GALNT16: variants seen among roughly 807,000 people sequenced by gnomAD.
GALNT16 encodes polypeptide N-acetylgalactosaminyltransferase 16, also known as UDP-GalNAc:polypeptide N-acetylgalactosaminyltransferase-like protein 1.
A neutral mutation model predicts 76.1 loss-of-function variants in GALNT16; 40 were observed. The observed-to-expected ratio is 0.53, with a 90% CI of 0.41 to 0.68. The LOEUF is 0.68. GALNT16 is among the 30% of genes least tolerant of loss of function. The pLI is 0.00. For synonymous variants in GALNT16, 276 were observed against 285.2 expected, an observed-to-expected ratio of 0.97 and a Z score of 0.32; for missense variants, 621 against 731.9, an observed-to-expected ratio of 0.85 and a Z score of 1.75.
rs2045659214 is a variant in GALNT16, at chr14:69,353,117, A to C, written c.*949A>C. On this transcript the variant is annotated 3_prime_UTR_variant, in exon 15 of 15. Coordinates refer to ENST00000448469, the MANE Select transcript of GALNT16 (RefSeq NM_001168368.2). ...GCCACACACATCCCTGAGTAGTCCC[A>C]GCCTCATTTGTCATTTTTGACTCCT... 6.6e-6 allele frequency among the ~76,000 whole-genome samples: 1 copy of C among 152,164 alleles called. No homozygotes were observed. The highest frequency in any genetic ancestry group is 2.4e-5 in the African/African-American group (1 of 41,444).
chr14:69,368,884 C>T, the GALNT16 span, among the ~76,000 whole-genome samples: 1 of 152,182 alleles, frequency 6.6e-6, no homozygotes, highest in Non-Finnish European at 1.5e-5. Context: ...ATGGGAATGA[C>T]ACTAACACTT....
At chr14:69,381,347 C>T in the GALNT16 span, among the ~76,000 whole-genome samples, 1 of 152,302 alleles carries the variant, frequency 6.6e-6, no homozygotes, top group African/African-American at 2.4e-5. Flanking sequence ...CTTTAAAAAA[C>T]ATGTACTGGC....
chr14:69,344,619 A>G (rs1213137057), intron 12 of GALNT16, among the ~76,000 whole-genome samples: 2 of 152,150 alleles, frequency 1.3e-5, no homozygotes, highest in Admixed American at 6.5e-5. Context: ...ACAGCTTAGG[A>G]GCTGCATCTG....
intron 1 of GALNT16, among the ~76,000 whole-genome samples, chr14:69,315,171 A>C (rs2045082821): frequency 6.6e-6 from 1 of 152,230 alleles, no homozygotes; most frequent in Non-Finnish European, 1.5e-5. Context: ...GGAAAAAAAA[A>C]CTGAAGCAAG....
chr14:69,285,427 TC>T (rs1286163715), intron 1 of GALNT16, among the ~76,000 whole-genome samples: 2 of 124,496 alleles, frequency 1.6e-5, no homozygotes, highest in African/African-American at 6.6e-5. Flanking sequence ...AGATTACACC[TC>T]TAAAATGTGT....
At position 69,325,374 on chromosome 14, in the gene GALNT16, A is replaced by G. The variant is rs2045267059; in HGVS notation, c.472A>G (p.Ile158Val). ...AACTCCTGCCAACTTGATCCAGGAG[A>G]TCATTTTAGTGGATGACTTCAGCTC... Reference protein sequence around the residue: ...NRTPANLIQEIILVDDFSSDP... With the variant: ...NRTPANLIQEVILVDDFSSDP... Residue 158 changes from isoleucine to valine, a missense_variant, in exon 4 of 15, where the codon ATC becomes GTC. Ile to Val is a conservative substitution (Grantham distance 29). Transcript: ENST00000448469. 1 of 1,602,952 alleles carries G rather than the reference A, an allele frequency of 6.2e-7. No individual in the cohort carries two copies. Among genetic ancestry groups the G allele is most frequent in the Non-Finnish European group, 8.5e-7 (1 of 1,169,900 alleles).
At chr14:69,272,412 C>G (rs776306878) in intron 1 of GALNT16, among the ~76,000 whole-genome samples, 2 of 151,968 alleles carry the variant, frequency 1.3e-5, no homozygotes, top group African/African-American at 2.4e-5. Context: ...GGAGGTTGTC[C>G]AAGGAAGGTT....
intron 12 of GALNT16, 40 bp from the exon 13 acceptor site, chr14:69,347,000 G>A (rs200995023): frequency 2.9e-5 from 47 of 1,613,274 alleles, no homozygotes; most frequent in East Asian, 2.0e-4. Flanking sequence ...GTAAGCCTTG[G>A]GGGGGAAAGC....
At chr14:69,380,302 T>A in the GALNT16 span, 1 of 390,480 alleles carries the variant, frequency 2.6e-6, no homozygotes, top group East Asian at 3.8e-5. Context: ...ACAACTTCCA[T>A]CTAAATCATC....
At chr14:69,274,671 G>A (rs1313424937) in intron 1 of GALNT16, among the ~76,000 whole-genome samples, 1 of 152,178 alleles carries the variant, frequency 6.6e-6, no homozygotes, top group African/African-American at 2.4e-5. Context: ...GCCAAGCCTT[G>A]TATATGTGTG....
At chr14:69,371,916 C>T in the GALNT16 span, among the ~76,000 whole-genome samples, 3 of 151,988 alleles carry the variant, frequency 2.0e-5, no homozygotes, top group South Asian at 2.1e-4. Flanking sequence ...TGCACTCCAG[C>T]CTGGGCGACA....
intron 1 of GALNT16, among the ~76,000 whole-genome samples, chr14:69,282,019 T>TG (rs1173245538): frequency 6.6e-6 from 1 of 152,216 alleles, no homozygotes; most frequent in African/African-American, 2.4e-5. Flanking sequence ...CGTTACATCA[T>TG]GGGGTTTGTC....
At chr14:69,315,987 A>G (rs1289219661) in intron 1 of GALNT16, among the ~76,000 whole-genome samples, 1 of 152,154 alleles carries the variant, frequency 6.6e-6, no homozygotes, top group Non-Finnish European at 1.5e-5. Context: ...GAAAAGTCTC[A>G]GGGAAGATTC....
chr14:69,291,375 C>T (rs898797476), intron 1 of GALNT16, among the ~76,000 whole-genome samples: 2 of 152,282 alleles, frequency 1.3e-5, no homozygotes, highest in African/African-American at 2.4e-5. Flanking sequence ...CCCCCCTCCC[C>T]GGCTTATTAG....
rs561986750 is a variant in GALNT16 at position 69,312,259 on chromosome 14, A to T, written c.178-8452A>T. On this transcript the variant is annotated intron_variant, in intron 1 of 14. Transcript: ENST00000448469. ...GAGCAAGACCCTATCTCTAAAAAAA[A>T]TTTTTTTTAAATTAACTGTGATCAG... Among the ~76,000 whole-genome samples, 67 of 152,104 alleles carry T rather than the reference A, an allele frequency of 4.4e-4. 1 individual carries two copies. The South Asian group carries it at 9.6e-3, about 22-fold the overall frequency.
intron 9 of GALNT16, among the ~76,000 whole-genome samples, chr14:69,337,177 G>T (rs1364274894): frequency 6.6e-6 from 1 of 152,208 alleles, no homozygotes; most frequent in African/African-American, 2.4e-5. Context: ...GTGAACTAAA[G>T]AATCTGACAG....
chr14:69,385,786 CCA>C, the GALNT16 span, among the ~76,000 whole-genome samples: 3 of 152,140 alleles, frequency 2.0e-5, no homozygotes, highest in Non-Finnish European at 2.9e-5. Flanking sequence ...CCAAAGACTT[CCA>C]CAGTGTCAAA....
intron 1 of GALNT16, among the ~76,000 whole-genome samples, chr14:69,282,684 G>A (rs1291610792): frequency 1.0e-5 from 1 of 98,314 alleles, no homozygotes; most frequent in African/African-American, 3.9e-5. Context: ...TTATTTATTT[G>A]AGACAGAGTC....
At chr14:69,338,166 C>G (rs1566886494) in intron 9 of GALNT16, among the ~76,000 whole-genome samples, 2 of 152,196 alleles carry the variant, frequency 1.3e-5, no homozygotes, top group Admixed American at 6.5e-5. Context: ...ACAAGGAGAC[C>G]AACTGGGTCA....
Sources: gnomAD v4.1 joint callset for allele counts (sites outside exome capture counted in the v4.1 genomes callset) on GRCh38, gnomAD v4.1.1 for gene constraint, MANE v1.5 for transcripts, NCBI Gene and HGNC (gene_info 2026-07-23, HGNC 2026-07-21) for gene names.